The following PLCE1 variants were observed in gnomAD, a reference collection of about 807,000 sequenced individuals.
PLCE1 encodes 1-phosphatidylinositol 4,5-bisphosphate phosphodiesterase epsilon-1.
In PLCE1, 119 loss-of-function variants were observed where a neutral mutation model predicts 242.8. The observed-to-expected ratio is 0.49, with a 90% CI of 0.42 to 0.57. The LOEUF (loss-of-function observed/expected upper bound fraction) is 0.57, where lower values mean the gene tolerates loss of function less well. PLCE1 is among the 20% of genes least tolerant of loss of function. The pLI is 0.00. For synonymous variants in PLCE1, 945 were observed against 1,017.4 expected (o/e 0.93, Z 1.35); for missense variants, 2,441 against 2,788.8 (o/e 0.88, Z 2.81).
At chr10:94,083,391 T>G (rs1040667240) in intron 2 of PLCE1, among the ~76,000 whole-genome samples, 13 of 152,196 alleles carry the variant, frequency 8.5e-5, no homozygotes, top group African/African-American at 2.7e-4. Context: ...CCCATTTTTT[T>G]GGGGCCCACA....
At chr10:94,270,882 C>G (rs1018903729) in intron 18 of PLCE1, among the ~76,000 whole-genome samples, 3 of 152,150 alleles carry the variant, frequency 2.0e-5, no homozygotes, top group Admixed American at 2.0e-4. Context: ...GATGGCCAGG[C>G]TGCTCTGGAA....
chr10:94,253,993 A>C (rs1459943384), intron 9 of PLCE1, among the ~76,000 whole-genome samples, 197 bp from the exon 10 acceptor site: 1 of 152,160 alleles, frequency 6.6e-6, no homozygotes, highest in African/African-American at 2.4e-5. Context: ...CCTGAGGAGT[A>C]CTGCTGTATA....
chr10:94,066,477 C>G (rs776186536), intron 2 of PLCE1, among the ~76,000 whole-genome samples: 14 of 151,990 alleles, frequency 9.2e-5, no homozygotes, highest in Non-Finnish European at 1.8e-4. Context: ...CTTTTGAGAC[C>G]CTAACTCTGG....
chr10:94,290,200 C>CT (rs1336831048), intron 22 of PLCE1, among the ~76,000 whole-genome samples: 89 of 142,602 alleles, frequency 6.2e-4, no homozygotes, highest in Middle Eastern at 3.5e-3. Flanking sequence ...GCTAATTTTT[C>CT]TTTTTTTTTT....
chr10:94,316,579 T>C lies in PLCE1; in HGVS notation c.6165T>C (p.Val2055=). 6.2e-7 allele frequency: 1 copy of C among 1,608,738 alleles called. No homozygotes were observed. The highest frequency in any genetic ancestry group is 1.1e-5 in the South Asian group (1 of 90,858). ...CAAATGAACAAGACATCAAACCTGT[T>C]ACCACAGACTATTTTTTGATGGAAG... ...ILTNEQDIKP[V]TTDYFLMEEK... Residue 2055 remains valine, a synonymous_variant, in exon 29 of 33, where the codon GTT becomes GTC. Coordinates refer to ENST00000371380, the MANE Select transcript of PLCE1 (RefSeq NM_016341.4).
intron 1 of PLCE1, among the ~76,000 whole-genome samples, chr10:94,005,400 G>T (rs1477719230): frequency 6.6e-6 from 1 of 152,116 alleles, no homozygotes; most frequent in Non-Finnish European, 1.5e-5. Context: ...TAAGGACTTT[G>T]GTTCATTCTG....
At chr10:94,265,253 A>G (rs2051472129) in intron 14 of PLCE1, among the ~76,000 whole-genome samples, 1 of 152,208 alleles carries the variant, frequency 6.6e-6, no homozygotes, top group African/African-American at 2.4e-5. Context: ...TTGAGTGCTC[A>G]TTATGATTTT....
intron 3 of PLCE1, among the ~76,000 whole-genome samples, chr10:94,134,174 C>T (rs550026994): frequency 1.3e-5 from 2 of 151,650 alleles, no homozygotes; most frequent in South Asian, 4.2e-4. Flanking sequence ...GATCTTGGCT[C>T]ACTGCAGCCT....
At chr10:94,182,392 G>A (rs1047666488) in intron 4 of PLCE1, among the ~76,000 whole-genome samples, 4 of 151,256 alleles carry the variant, frequency 2.6e-5, no homozygotes, top group African/African-American at 7.3e-5. Flanking sequence ...TCAGCCTCCC[G>A]AGTAGCTGGA....
chr10:94,196,453 TG>T (rs1268053303), intron 4 of PLCE1, among the ~76,000 whole-genome samples: 2 of 151,796 alleles, frequency 1.3e-5, no homozygotes, highest in Non-Finnish European at 2.9e-5. Context: ...CCTTTTAAAG[TG>T]GAAAAGGAGG....
At chr10:94,291,864 C>T (rs891154342) in intron 22 of PLCE1, among the ~76,000 whole-genome samples, 7 of 152,124 alleles carry the variant, frequency 4.6e-5, no homozygotes, top group African/African-American at 1.7e-4. Flanking sequence ...TTCTGGGCCC[C>T]TTCTCACAAT....
At chr10:94,036,199 A>T (rs1337318926) in intron 2 of PLCE1, among the ~76,000 whole-genome samples, 1 of 152,178 alleles carries the variant, frequency 6.6e-6, no homozygotes. Flanking sequence ...CCCACCACAC[A>T]GTTCTAGCAA....
chr10:94,282,114 C>A (rs1346420086), intron 20 of PLCE1, among the ~76,000 whole-genome samples: 3 of 147,358 alleles, frequency 2.0e-5, no homozygotes, highest in African/African-American at 5.0e-5. Flanking sequence ...TTTCCTGAGA[C>A]CCTCATAGGC....
chr10:94,086,058 T>C (rs2044813056), intron 2 of PLCE1, among the ~76,000 whole-genome samples: 1 of 152,124 alleles, frequency 6.6e-6, no homozygotes, highest in African/African-American at 2.4e-5. Context: ...AGCAAGCTCG[T>C]TGGGGACCTG....
intron 22 of PLCE1, among the ~76,000 whole-genome samples, chr10:94,289,352 T>A (rs1589484177): frequency 6.6e-6 from 1 of 152,236 alleles, no homozygotes. Flanking sequence ...GCAGTGCCAA[T>A]ATGTTGAATC....
chr10:94,171,066 T>C (rs1425190783), intron 3 of PLCE1, 114 bp from the exon 4 acceptor site: 1 of 894,310 alleles, frequency 1.1e-6, no homozygotes, highest in Non-Finnish European at 1.9e-6. Context: ...AACTCTTCAC[T>C]AAGCAGAGGA....
chr10:94,322,940 C>T (rs560613285), intron 30 of PLCE1, among the ~76,000 whole-genome samples: 2 of 152,258 alleles, frequency 1.3e-5, no homozygotes, highest in South Asian at 4.2e-4. Flanking sequence ...CTGGGCAACA[C>T]AGCCAGACCC....
Position 94,316,583 on chromosome 10 carries a change from A to G in PLCE1, c.6169A>G (p.Thr2057Ala). Residue 2057 changes from threonine (T) to alanine (A), a missense_variant, in exon 29 of 33, where the codon ACA becomes GCA. By Grantham distance (58) the Thr-to-Ala change is moderately conservative. Transcript: ENST00000371380. ...TNEQDIKPVT[T>A]DYFLMEEKYF... ...TGAACAAGACATCAAACCTGTTACC[A>G]CAGACTATTTTTTGATGGAAGAAAA... The G allele has an allele frequency of 6.2e-7, 1 of 1,609,266 alleles. No individual in the cohort carries two copies. The highest frequency in any genetic ancestry group is 8.5e-7 in the Non-Finnish European group (1 of 1,176,702).
At chr10:94,206,595 A>G (rs1047639074) in intron 4 of PLCE1, among the ~76,000 whole-genome samples, 2 of 152,358 alleles carry the variant, frequency 1.3e-5, no homozygotes, top group Admixed American at 6.5e-5. Flanking sequence ...TGGGCCATAC[A>G]TCAACCGTGG....
Sources: allele counts gnomAD v4.1 joint callset (sites outside exome capture counted in the v4.1 genomes callset), GRCh38; gene constraint gnomAD v4.1.1; transcripts MANE v1.5; gene names NCBI Gene and HGNC (gene_info 2026-07-23, HGNC 2026-07-21).